MYT1L: variants seen among roughly 807,000 people sequenced by gnomAD.
MYT1L encodes the protein myelin transcription factor 1 like.
Under a neutral mutation model 126.7 loss-of-function variants are expected in MYT1L, and 12 were observed. That is an observed-to-expected ratio of 0.09 (90% CI 0.06 to 0.15). The LOEUF is 0.15. MYT1L is among the 10% of genes least tolerant of loss of function. The pLI is 1.00. For synonymous variants in MYT1L, 541 were observed against 604.2 expected (o/e 0.90, Z 1.53); for missense variants, 979 against 1,585.2 (o/e 0.62, Z 6.49).
At chr2:1,999,939 G>A (rs1451037242) in intron 4 of MYT1L, among the ~76,000 whole-genome samples, 1 of 152,200 alleles carries the variant, frequency 6.6e-6, no homozygotes, top group East Asian at 1.9e-4. Flanking sequence ...TATTAAAGTT[G>A]TCATATAAAG....
At position 1,802,719 on chromosome 2, in the gene MYT1L, C is replaced by T. The variant is rs199535958; in HGVS notation, c.3173-920G>A. Reference sequence around the variant, plus strand: ...GCCGGCTGTGTCTGGTTACTGGCAACATTACACTGCCAACGCCAAAGAGAA... The same window carrying T: ...GCCGGCTGTGTCTGGTTACTGGCAATATTACACTGCCAACGCCAAAGAGAA... On this transcript the variant is annotated intron_variant, in intron 22 of 24. Transcript: ENST00000647738. Among the ~76,000 whole-genome samples the T allele has an allele frequency of 1.2e-4, 19 of 152,336 alleles. No homozygotes were observed. In the East Asian group the frequency reaches 3.3e-3, roughly 26 times the overall value.
At chr2:2,068,781 T>A (rs1460857530) in intron 3 of MYT1L, among the ~76,000 whole-genome samples, 1 of 138,198 alleles carries the variant, frequency 7.2e-6, no homozygotes, top group Non-Finnish European at 1.6e-5. Context: ...TTTTTTTTTT[T>A]TTTTTTTTTT....
intron 8 of MYT1L, among the ~76,000 whole-genome samples, chr2:1,956,428 ATCTATCT>A (rs1558532189): frequency 7.5e-6 from 1 of 132,756 alleles, no homozygotes; most frequent in Non-Finnish European, 1.6e-5. Context: ...CTATCTATCT[ATCTATCT>A]ATCTACCTAT....
chr2:2,171,962 T>C (rs576235010), intron 3 of MYT1L, among the ~76,000 whole-genome samples: 1 of 152,282 alleles, frequency 6.6e-6, no homozygotes, highest in South Asian at 2.1e-4. Context: ...GCTTTCCTTA[T>C]AGAGCATGCT....
At chr2:2,089,897 C>T (rs1307006280) in intron 3 of MYT1L, among the ~76,000 whole-genome samples, 1 of 152,186 alleles carries the variant, frequency 6.6e-6, no homozygotes, top group Non-Finnish European at 1.5e-5. Context: ...TCATAACACC[C>T]TTGCACTCAG....
intron 4 of MYT1L, among the ~76,000 whole-genome samples, chr2:2,044,693 C>A (rs535200040): frequency 9.9e-5 from 15 of 152,154 alleles, no homozygotes; most frequent in Non-Finnish European, 2.1e-4. Flanking sequence ...GGTGATTGGG[C>A]GATGGGGGCC....
chr2:2,050,180 T>C (rs760838326), intron 4 of MYT1L, among the ~76,000 whole-genome samples: 3 of 152,114 alleles, frequency 2.0e-5, no homozygotes, highest in Non-Finnish European at 4.4e-5. Context: ...AAAGAACAAA[T>C]TTTTTGTAGA....
intron 4 of MYT1L, among the ~76,000 whole-genome samples, chr2:2,033,444 C>G (rs1254139643): frequency 6.6e-6 from 1 of 151,666 alleles, no homozygotes; most frequent in African/African-American, 2.4e-5. Context: ...GGGCCTTATA[C>G]ACACCGCTCG....
rs556605178 is a variant in MYT1L, at chr2:1,916,570, T to A, written c.1618+635A>T. Among the ~76,000 whole-genome samples the A allele has an allele frequency of 2.8e-4, 43 of 152,324 alleles. 1 individual carries two copies. Among genetic ancestry groups the A allele is most frequent in the Admixed American group, 1.2e-3 (18 of 15,304 alleles). On this transcript the variant is annotated intron_variant, in intron 11 of 24. Coordinates refer to ENST00000647738, the MANE Select transcript of MYT1L (RefSeq NM_001303052.2). ...GTATATCATTTCAATTCTAAAAAAA[T>A]TTAGCTATATTCATGGACTTATTCC...
At chr2:2,026,482 GC>G (rs2065594606) in intron 4 of MYT1L, among the ~76,000 whole-genome samples, 1 of 152,226 alleles carries the variant, frequency 6.6e-6, no homozygotes, top group Admixed American at 6.5e-5. Flanking sequence ...CAGACAGAAA[GC>G]TGTCTCTCAG....
At chr2:2,293,239 A>G (rs1205780200) in intron 1 of MYT1L, among the ~76,000 whole-genome samples, 3 of 152,126 alleles carry the variant, frequency 2.0e-5, no homozygotes, top group East Asian at 1.9e-4. Context: ...GGGCTGAGGG[A>G]TAAGAAAAAG....
In MYT1L at chr2:1,979,101, G is replaced by T; in HGVS notation, c.152+64C>A. On this transcript the variant is annotated intron_variant, in intron 8 of 24. Coordinates refer to ENST00000647738, the MANE Select transcript of MYT1L (RefSeq NM_001303052.2). This position sits in a 1 kb window ranked among gnomAD's most constrained non-coding sequence, Gnocchi z 4.0. ...CACCTGCTCACACAGTTCATCATCA[G>T]GACTGGGTCCCCAAATAAGTCACTT... The T allele has an allele frequency of 7.4e-7, 1 of 1,355,958 alleles. No individual in the cohort carries two copies. Among genetic ancestry groups the T allele is most frequent in the Non-Finnish European group, 1.0e-6 (1 of 960,492 alleles). 84.0% of individuals were successfully genotyped at this position (1,355,958 alleles called of 1,614,324 possible).
chr2:1,847,495 G>A (rs1340022616), intron 19 of MYT1L, among the ~76,000 whole-genome samples: 1 of 152,126 alleles, frequency 6.6e-6, no homozygotes, highest in Non-Finnish European at 1.5e-5. Context: ...CAGAGAGAAT[G>A]AGGAGCACCC....
chr2:1,979,226 A>C lies in MYT1L; in HGVS notation c.91T>G (p.Cys31Gly). 6.2e-7 allele frequency: 1 copy of C among 1,613,728 alleles called. No homozygotes were observed. Among genetic ancestry groups the C allele is most frequent in the Non-Finnish European group, 8.5e-7 (1 of 1,179,734 alleles). ...VEPAIQELFS[C>G]PTPGCDGSGH... is the part of the protein sequence containing the mutation. ...CTGCCGTCACAGCCAGGGGTGGGAC[A>C]GCTGCAACAGGAAAGAATGGATTAC... The change falls in exon 8 of 25, where the codon TGT (cysteine) becomes GGT (glycine). Residue 31 changes from cysteine to glycine, a missense_variant and splice_region_variant. Physicochemically the swap from Cys to Gly is radical, Grantham distance 159. Transcript: ENST00000647738. The surrounding 1 kb of genome is among the most constrained non-coding windows in gnomAD (Gnocchi z 4.0).
intron 14 of MYT1L, among the ~76,000 whole-genome samples, chr2:1,897,501 C>T (rs2049763682): frequency 6.6e-6 from 1 of 151,852 alleles, no homozygotes; most frequent in Non-Finnish European, 1.5e-5. Context: ...CTCACTCTGT[C>T]ACCCAGGCTG....
intron 14 of MYT1L, chr2:1,902,809 C>T (rs999239716): frequency 2.4e-5 from 11 of 462,300 alleles, no homozygotes; most frequent in Non-Finnish European, 3.6e-5. Context: ...TCCATAGCTT[C>T]TCCCTCTCCA....
At chr2:2,025,852 C>T (rs2065496102) in intron 4 of MYT1L, among the ~76,000 whole-genome samples, 1 of 152,222 alleles carries the variant, frequency 6.6e-6, no homozygotes, top group Admixed American at 6.5e-5. Context: ...TGACCTATTG[C>T]AATTATACTC....
At chr2:1,861,694 T>C (rs1363591597) in intron 18 of MYT1L, among the ~76,000 whole-genome samples, 1 of 151,654 alleles carries the variant, frequency 6.6e-6, no homozygotes, top group Admixed American at 6.6e-5. Flanking sequence ...GCCTGTGTAA[T>C]CCTGGATCTG....
intron 18 of MYT1L, among the ~76,000 whole-genome samples, chr2:1,859,345 A>G (rs2044288895): frequency 6.6e-6 from 1 of 152,238 alleles, no homozygotes; most frequent in South Asian, 2.1e-4. Context: ...CTAGAAAATA[A>G]CAAAAAATAC....
Sources: allele counts gnomAD v4.1 joint callset (sites outside exome capture counted in the v4.1 genomes callset), GRCh38; gene constraint gnomAD v4.1.1; non-coding constraint Gnocchi (gnomAD v3.1); transcripts MANE v1.5; gene names NCBI Gene and HGNC (gene_info 2026-07-23, HGNC 2026-07-21).